NRK: variants seen among roughly 807,000 people sequenced by gnomAD.
The protein encoded by NRK is nik-related protein kinase.
In NRK, 67 loss-of-function variants were observed where a neutral mutation model predicts 125.2. The observed-to-expected ratio is 0.54, with a 90% CI of 0.44 to 0.66. The LOEUF is 0.66. NRK is among the 30% of genes least tolerant of loss of function. NRK has a pLI of 0.00. For synonymous variants in NRK, 458 were observed against 429.0 expected, an observed-to-expected ratio of 1.07 and a Z score of -0.84; for missense variants, 1,224 against 1,192.9, an observed-to-expected ratio of 1.03 and a Z score of -0.38.
chrX:105,953,219 G>A (rs1171597517), intron 28 of NRK, 46 bp downstream of exon 28: 1 of 974,934 alleles, frequency 1.0e-6, no homozygotes, highest in Non-Finnish European at 1.3e-6. Context: ...CGCAACCATT[G>A]AAAATGAACC....
intron 6 of NRK, 36 bp from the exon 7 acceptor site, chrX:105,895,397 T>G (rs867486342): frequency 1.5e-5 from 14 of 906,874 alleles, no homozygotes; most frequent in Non-Finnish European, 2.1e-5. Context: ...AAGAAAGAAA[T>G]ATATACTGAT....
chrX:105,945,131 T>C (rs1442105665), intron 24 of NRK, among the ~76,000 whole-genome samples: 1 of 111,626 alleles, frequency 9.0e-6, no homozygotes, highest in Non-Finnish European at 1.9e-5. Flanking sequence ...CTGGAACATT[T>C]GGTAAAGGTT....
At chrX:105,888,858 C>T (rs763180733) in intron 5 of NRK, among the ~76,000 whole-genome samples, 1 of 111,228 alleles carries the variant, frequency 9.0e-6, no homozygotes, top group Non-Finnish European at 1.9e-5. Context: ...TTACCTCCCA[C>T]GACATGTGGG....
At chrX:105,946,489 A>G in intron 26 of NRK, 25 bp downstream of exon 26, 4 of 1,105,157 alleles carry the variant, frequency 3.6e-6, no homozygotes, top group Non-Finnish European at 4.9e-6. Context: ...TCAGATTCCT[A>G]GAAATTATTG....
chrX:105,859,543 G>A (rs1000925903), intron 2 of NRK, among the ~76,000 whole-genome samples: 5 of 111,697 alleles, frequency 4.5e-5, no homozygotes, highest in Non-Finnish European at 9.4e-5. Context: ...ACCCAAAAAG[G>A]GTGTGTTTAA....
intron 5 of NRK, among the ~76,000 whole-genome samples, 199 bp downstream of exon 5, chrX:105,888,618 C>A (rs759962509): frequency 1.3e-4 from 14 of 110,902 alleles, no homozygotes; most frequent in African/African-American, 4.6e-4. Context: ...TAGACATACC[C>A]GAGACTAGGT....
intron 9 of NRK, among the ~76,000 whole-genome samples, chrX:105,901,502 C>G (rs1017139934): frequency 6.3e-5 from 7 of 111,479 alleles, no homozygotes; most frequent in Non-Finnish European, 1.3e-4. Flanking sequence ...GCTTTCCCCT[C>G]TCCAAAGCAG....
At chrX:105,909,951 T>G (rs746852544) in intron 13 of NRK, 69 bp downstream of exon 13, 33 of 892,409 alleles carry the variant, frequency 3.7e-5, no homozygotes, top group Non-Finnish European at 4.6e-5. Flanking sequence ...ATGCGGATGT[T>G]TTTTCTCAGT....
chrX:105,917,686 C>T lies in NRK; in HGVS notation c.2512+14C>T. The T allele has an allele frequency of 1.0e-6, 1 of 997,124 alleles. No individual in the cohort carries two copies. Among genetic ancestry groups the T allele is most frequent in the East Asian group, 3.4e-5 (1 of 29,684 alleles). 82.2% of individuals were successfully genotyped at this position (997,124 alleles called of 1,213,427 possible). A position where few individuals can be genotyped will look rare whatever the true frequency, so the allele number is the denominator to read the frequency against. Reference sequence around the variant, plus strand: ...TGGCAGCATCAGGTGATTCAAAGCACAAAATTTTAGCAGGCAAAACACAGA... The same window carrying T: ...TGGCAGCATCAGGTGATTCAAAGCATAAAATTTTAGCAGGCAAAACACAGA... On this transcript the variant is annotated intron_variant, in intron 16 of 28. Coordinates refer to ENST00000243300, the MANE Select transcript of NRK (RefSeq NM_198465.4).
chrX:105,831,104 T>C lies in NRK; in HGVS notation c.108T>C (p.Tyr36=), dbSNP rs755966572. The C allele has an allele frequency of 8.9e-6, 10 of 1,127,173 alleles. No homozygotes were observed. Among genetic ancestry groups the C allele is most frequent in the Admixed American group, 4.5e-5 (2 of 44,351 alleles). The allele number at this position is 1,127,173 out of a possible 1,213,427, so 92.9% of individuals were successfully genotyped here. ...ATAAAACCATTGGCCTTGGTACTTA[T>C]GGCAGAATCTATTTGGTAAGTTGAC... ...SLDKTIGLGT[Y]GRIYLGLHEK... The change falls in exon 2 of 29, where the codon TAT becomes TAC. Residue 36 remains tyrosine (Y), a synonymous_variant. Transcript: ENST00000243300.
intron 1 of NRK, among the ~76,000 whole-genome samples, chrX:105,826,788 G>A (rs1247297910): frequency 9.0e-6 from 1 of 110,864 alleles, no homozygotes; most frequent in African/African-American, 3.3e-5. Flanking sequence ...TTCAGAAGCA[G>A]TTTTACCTTC....
At chrX:105,911,899 A>G (rs779836448) in intron 13 of NRK, among the ~76,000 whole-genome samples, 14 of 111,716 alleles carry the variant, frequency 1.3e-4, no homozygotes, top group Admixed American at 2.9e-4. Context: ...AAAATTTTTA[A>G]AAGTCAATAA....
chrX:105,913,966 G>A lies in NRK; in HGVS notation c.2349+1211G>A, dbSNP rs1476710781. Among the ~76,000 whole-genome samples the A allele has an allele frequency of 6.3e-5, 7 of 110,908 alleles. No homozygotes were observed. The Admixed American group carries it at 6.8e-4, about 11-fold the overall frequency. On this transcript the variant is annotated intron_variant, in intron 14 of 28. Transcript: ENST00000243300. ...AACATATATTGGTGAGGCCGGAGTT[G>A]TAGGTTTTCTTGTCTAGAAAAGGTA... is the stretch of plus-strand genomic sequence containing the variant.
At chrX:105,919,133 A>G (rs1233504604) in intron 16 of NRK, among the ~76,000 whole-genome samples, 3 of 110,391 alleles carry the variant, frequency 2.7e-5, no homozygotes, top group Admixed American at 9.7e-5. Flanking sequence ...TTGGAGTTGG[A>G]GTATCTATAC....
In NRK at chrX:105,958,187, G is replaced by C. The variant is rs1488382049; in HGVS notation, c.*2587G>C. On this transcript the variant is annotated 3_prime_UTR_variant, in exon 29 of 29. Coordinates refer to ENST00000243300, the MANE Select transcript of NRK (RefSeq NM_198465.4). ...AAACTAGAAAATGATGGATAAAAGG[G>C]CTGATAAGAAAATTTCTGACTGTCA... 1 of 112,211 alleles carries C rather than the reference G, an allele frequency of 8.9e-6. No individual in the cohort carries two copies. The highest frequency in any genetic ancestry group is 1.9e-5 in the Non-Finnish European group (1 of 53,275). 9.2% of individuals were successfully genotyped at this position (112,211 alleles called of 1,213,427 possible).
At chrX:105,870,224 A>G in intron 2 of NRK, among the ~76,000 whole-genome samples, 1 of 112,052 alleles carries the variant, frequency 8.9e-6, no homozygotes, top group Admixed American at 9.5e-5. Flanking sequence ...AGAACTAAAT[A>G]GTCATCAATC....
Position 105,892,745 on chromosome X carries a change from G to A in NRK, c.379-1087G>A, listed in dbSNP as rs184577563. ...TGTTTGGCTGTCTCTTCTTCTTTTTGGTGAAAGTGTACTCAGGTGAAAGAC... is the reference window on the plus strand; with the variant it reads ...TGTTTGGCTGTCTCTTCTTCTTTTTAGTGAAAGTGTACTCAGGTGAAAGAC... On this transcript the variant is annotated intron_variant, in intron 5 of 28. Transcript: ENST00000243300. 2.7e-3 allele frequency among the ~76,000 whole-genome samples: 305 copies of A among 111,218 alleles called. 1 individual carries two copies. Among genetic ancestry groups the A allele is most frequent in the African/African-American group, 9.3e-3 (284 of 30,659 alleles).
intron 4 of NRK, among the ~76,000 whole-genome samples, chrX:105,887,924 T>G (rs1178100215): frequency 8.9e-6 from 1 of 112,053 alleles, no homozygotes; most frequent in Non-Finnish European, 1.9e-5. Flanking sequence ...ACCATTGCAT[T>G]TTGCACTTTA....
At chrX:105,898,774 T>A (rs1434431869) in intron 8 of NRK, 60 bp downstream of exon 8, 1 of 951,973 alleles carries the variant, frequency 1.1e-6, no homozygotes, top group East Asian at 3.6e-5. Flanking sequence ...TGATTAACAT[T>A]TATTTTTAAT....
Sources: allele counts gnomAD v4.1 joint callset (sites outside exome capture counted in the v4.1 genomes callset), GRCh38; gene constraint gnomAD v4.1.1; transcripts MANE v1.5; gene names NCBI Gene and HGNC (gene_info 2026-07-23, HGNC 2026-07-21).